The following FMO1 variants were observed in gnomAD, a reference collection of about 807,000 sequenced individuals.
The protein encoded by FMO1 is flavin-containing monooxygenase 1.
In FMO1, 36 loss-of-function variants were observed where a neutral mutation model predicts 45.4. The ratio of observed to expected loss-of-function variants is 0.79; its 90% CI spans 0.61 to 1.05. The LOEUF (loss-of-function observed/expected upper bound fraction) is 1.05, where lower values mean the gene tolerates loss of function less well. Ranked by LOEUF, FMO1 falls within the 50% of genes least tolerant of loss-of-function variation. FMO1 has a pLI of 0.00. For missense variants in FMO1, 615 were observed against 640.3 expected, an observed-to-expected ratio of 0.96 and a Z score of 0.43; for synonymous variants, 228 against 227.2, an observed-to-expected ratio of 1.00 and a Z score of -0.03.
intron 1 of FMO1, among the ~76,000 whole-genome samples, chr1:171,249,190 T>G (rs1357140170): frequency 6.6e-6 from 1 of 152,140 alleles, no homozygotes; most frequent in Non-Finnish European, 1.5e-5. Context: ...TTGATTTCCA[T>G]GTGATTGGCA....
chr1:171,258,340 A>G (rs543886607), intron 2 of FMO1, 121 bp downstream of exon 2: 105 of 1,195,324 alleles, frequency 8.8e-5, no homozygotes, highest in Admixed American at 1.7e-4. Context: ...ATGTCTGCTG[A>G]ACAGGGGACC....
chr1:171,248,970 C>CT (rs10717049), intron 1 of FMO1, among the ~76,000 whole-genome samples: 38 of 146,512 alleles, frequency 2.6e-4, no homozygotes, highest in East Asian at 4.1e-4. Context: ...GGAAAAGTCT[C>CT]TTTTTTTTTT....
chr1:171,285,147 T>C, intron 8 of FMO1, 55 bp from the exon 9 acceptor site: 2 of 1,229,024 alleles, frequency 1.6e-6, no homozygotes, highest in Non-Finnish European at 2.3e-6. Flanking sequence ...GTACTTGTTC[T>C]AAGATTATCA....
At position 171,282,198 on chromosome 1, in the gene FMO1, G is replaced by T; in HGVS notation, c.1048G>T (p.Ala350Ser). Residue 350 changes from alanine (A) to serine (S), a missense_variant, in exon 7 of 9, where the codon GCC becomes TCC. Ala to Ser is a moderately conservative substitution (Grantham distance 99, BLOSUM62 1). Coordinates refer to ENST00000617670, the MANE Select transcript of FMO1 (RefSeq NM_001282693.2). ...ESVVKVEDGQ[A>S]SLYKYIFPAH... ...TGTAGTGAAAGTTGAAGATGGCCAG[G>T]CCTCACTGTACAAGTATATCTTCCC... 4 of 1,613,994 alleles carry T rather than the reference G, an allele frequency of 2.5e-6. No homozygotes were observed. Among genetic ancestry groups the T allele is most frequent in the Non-Finnish European group, 1.7e-6 (2 of 1,179,902 alleles).
intron 1 of FMO1, among the ~76,000 whole-genome samples, chr1:171,254,731 C>T (rs549726644): frequency 1.3e-5 from 2 of 152,272 alleles, no homozygotes; most frequent in East Asian, 3.9e-4. Context: ...CTCAGTGCTC[C>T]CTAACTCTAG....
chr1:171,275,930 G>A (rs779785522), intron 4 of FMO1, among the ~76,000 whole-genome samples: 1 of 152,050 alleles, frequency 6.6e-6, no homozygotes, highest in Non-Finnish European at 1.5e-5. Context: ...TTTTCTATTT[G>A]TTCCTCTTAT....
At chr1:171,279,184 C>A (rs1207060538) in intron 5 of FMO1, among the ~76,000 whole-genome samples, 1 of 151,712 alleles carries the variant, frequency 6.6e-6, no homozygotes, top group Non-Finnish European at 1.5e-5. Flanking sequence ...AAAATTCTAC[C>A]AACTTTTTCC....
At chr1:171,278,666 T>C in intron 4 of FMO1, 63 bp from the exon 5 acceptor site, 1 of 1,248,772 alleles carries the variant, frequency 8.0e-7, no homozygotes, top group South Asian at 1.6e-5. Flanking sequence ...AACTGAAGAA[T>C]ATTTATGTTT....
At chr1:171,252,879 TG>T (rs1659960206) in intron 1 of FMO1, among the ~76,000 whole-genome samples, 1 of 152,228 alleles carries the variant, frequency 6.6e-6, no homozygotes, top group Non-Finnish European at 1.5e-5. Context: ...TTTATTTAAA[TG>T]AATCTCAGTC....
Position 171,285,373 on chromosome 1 carries a change from T to C in FMO1, c.1428T>C (p.Thr476=), listed in dbSNP as rs755069606. The change falls in exon 9 of 9, where the codon ACT becomes ACC. Residue 476 remains threonine (T), a synonymous_variant. Transcript: ENST00000617670. ...GPCSPYQFRL[T]GPGKWEGARN... is the part of the protein sequence containing the mutation. ...GCTCACCATACCAGTTCCGCTTGAC[T>C]GGCCCAGGAAAATGGGAAGGAGCCA... 2 of 1,613,930 alleles carry C rather than the reference T, an allele frequency of 1.2e-6. No individual in the cohort carries two copies. Among genetic ancestry groups the C allele is most frequent in the South Asian group, 1.1e-5 (1 of 91,050 alleles).
intron 1 of FMO1, chr1:171,257,726 G>C: frequency 3.4e-6 from 1 of 294,810 alleles, no homozygotes; most frequent in South Asian, 3.3e-5. Flanking sequence ...CTAGTCTGCT[G>C]ATCTATGCAG....
intron 8 of FMO1, among the ~76,000 whole-genome samples, chr1:171,284,174 CA>C (rs200976510): frequency 0.023 from 2,636 of 114,244 alleles, 76 homozygotes; most frequent in African/African-American, 0.092. Context: ...GGTTCTGTGG[CA>C]AAAAAAAAAA....
intron 1 of FMO1, among the ~76,000 whole-genome samples, 161 bp downstream of exon 1, chr1:171,248,784 T>C (rs1659743928): frequency 6.6e-6 from 1 of 151,810 alleles, no homozygotes; most frequent in South Asian, 2.1e-4. Context: ...TGGCCCAAAG[T>C]ATAGGAGTAG....
rs550714345 is a variant in FMO1 at position 171,273,124 on chromosome 1, G to C, written c.322-2222G>C. Reference sequence around the variant, plus strand: ...TGAATAAGTCTCACAAGATCTGATGGTTTTATAAGGCAGAATTTCCCTGCA... The same window carrying C: ...TGAATAAGTCTCACAAGATCTGATGCTTTTATAAGGCAGAATTTCCCTGCA... On this transcript the variant is annotated intron_variant, in intron 3 of 8. Transcript: ENST00000617670. Among the ~76,000 whole-genome samples the C allele has an allele frequency of 1.4e-3, 213 of 152,146 alleles. 2 individuals are homozygous for C. Among genetic ancestry groups the C allele is most frequent in the Non-Finnish European group, 2.7e-3 (185 of 68,028 alleles).
At chr1:171,284,500 G>T (rs536070704) in intron 8 of FMO1, among the ~76,000 whole-genome samples, 20 of 152,208 alleles carry the variant, frequency 1.3e-4, no homozygotes, top group Admixed American at 2.6e-4. Flanking sequence ...CACTTTGGGA[G>T]GCTAAGGCAA....
chr1:171,257,862 T>G (rs1430174311), intron 1 of FMO1: 5 of 514,282 alleles, frequency 9.7e-6, no homozygotes, highest in South Asian at 6.0e-5. Flanking sequence ...TACGAACATT[T>G]GGCACTGGTG....
intron 2 of FMO1, 84 bp downstream of exon 2, chr1:171,258,303 G>C: frequency 2.0e-6 from 3 of 1,520,502 alleles, no homozygotes; most frequent in South Asian, 2.4e-5. Context: ...CTTTCACAAG[G>C]GTTGGTGGCC....
Position 171,285,632 on chromosome 1 carries a change from A to AT in FMO1, c.*88_*89insT. On this transcript the variant is annotated 3_prime_UTR_variant, in exon 9 of 9. Coordinates refer to ENST00000617670, the MANE Select transcript of FMO1 (RefSeq NM_001282693.2). ...ACAGCAATATTGCCTTCACAGTTAT[A>AT]AACTGTATTCAAATAGTAAAGGCCA... is the stretch of plus-strand genomic sequence containing the variant. 8.7e-6 allele frequency: 7 copies of AT among 807,366 alleles called. No homozygotes were observed. The highest frequency in any genetic ancestry group is 1.3e-5 in the Non-Finnish European group (7 of 539,274). The allele number at this position is 807,366 out of a possible 1,614,324, so 50.0% of individuals were successfully genotyped here. A position where few individuals can be genotyped will look rare whatever the true frequency, so the allele number is the denominator to read the frequency against.
intron 1 of FMO1, among the ~76,000 whole-genome samples, chr1:171,252,527 G>C (rs1458273662): frequency 1.3e-5 from 2 of 152,200 alleles, no homozygotes; most frequent in Admixed American, 6.5e-5. Flanking sequence ...CTTTCCACCT[G>C]GCCTGTTCTG....
Sources: allele counts gnomAD v4.1 joint callset (sites outside exome capture counted in the v4.1 genomes callset), GRCh38; gene constraint gnomAD v4.1.1; transcripts MANE v1.5; gene names NCBI Gene and HGNC (gene_info 2026-07-23, HGNC 2026-07-21).